HSD17B12: variants seen among roughly 807,000 people sequenced by gnomAD.
HSD17B12 encodes hydroxysteroid 17-beta dehydrogenase 12.
Under a neutral mutation model 39.3 loss-of-function variants are expected in HSD17B12, and 32 were observed. The observed-to-expected ratio is 0.81, with a 90% CI of 0.61 to 1.09. HSD17B12 has a LOEUF of 1.09. Among genes scored for constraint, HSD17B12 ranks in the 50% least tolerant of loss-of-function variants. The pLI is 0.00. For missense variants in HSD17B12, 342 were observed against 382.9 expected (o/e 0.89, Z 0.89); for synonymous variants, 150 against 146.7 (o/e 1.02, Z -0.16).
intron 1 of HSD17B12, among the ~76,000 whole-genome samples, chr11:43,719,571 C>G (rs1184807400): frequency 1.3e-5 from 2 of 151,276 alleles, no homozygotes; most frequent in African/African-American, 4.9e-5. Context: ...TCCAACTGGT[C>G]TGTCTGTTTC....
the HSD17B12 span, among the ~76,000 whole-genome samples, chr11:43,592,221 A>C: frequency 6.6e-6 from 1 of 152,038 alleles, no homozygotes; most frequent in Non-Finnish European, 1.5e-5. Context: ...ATTTATACTT[A>C]TGAAGGGATT....
At chr11:43,663,777 G>A in the HSD17B12 span, among the ~76,000 whole-genome samples, 4 of 152,312 alleles carry the variant, frequency 2.6e-5, no homozygotes, top group African/African-American at 9.6e-5. Context: ...TGCCAAGCAA[G>A]GAGTATCAGG....
chr11:43,722,129 G>C (rs756791077), intron 1 of HSD17B12, among the ~76,000 whole-genome samples: 1 of 152,174 alleles, frequency 6.6e-6, no homozygotes. Flanking sequence ...TGAATAAATG[G>C]GTGGTCCCAT....
At chr11:43,751,759 TTTAC>T (rs1950466556) in intron 2 of HSD17B12, among the ~76,000 whole-genome samples, 2 of 152,228 alleles carry the variant, frequency 1.3e-5, no homozygotes, top group African/African-American at 4.8e-5. Flanking sequence ...TTTAATTTAC[TTTAC>T]TATTATTATT....
chr11:43,802,245 CA>C lies in HSD17B12; in HGVS notation c.391+3821del, dbSNP rs369655273. On this transcript the variant is annotated intron_variant, in intron 4 of 10. Coordinates refer to ENST00000278353, the MANE Select transcript of HSD17B12 (RefSeq NM_016142.3). ...TCATGATCTGCCCGCCTCGGCCTCCCAAAGTGCTGGGATTACAGGAGTGAGC... is the reference window on the plus strand; with the variant it reads ...TCATGATCTGCCCGCCTCGGCCTCCCAAGTGCTGGGATTACAGGAGTGAGC... Among the ~76,000 whole-genome samples the C allele has an allele frequency of 5.7e-3, 874 of 152,162 alleles. 3 individuals are homozygous for C. The highest frequency in any genetic ancestry group is 9.1e-3 in the Non-Finnish European group (621 of 67,998).
chr11:43,823,865 A>G (rs1366251330), intron 6 of HSD17B12, among the ~76,000 whole-genome samples: 2 of 152,216 alleles, frequency 1.3e-5, no homozygotes, highest in African/African-American at 4.8e-5. Context: ...AACTTGAATC[A>G]ATCGCTATTT....
chr11:43,845,917 G>A (rs1239089799), intron 9 of HSD17B12, among the ~76,000 whole-genome samples: 3 of 152,148 alleles, frequency 2.0e-5, no homozygotes, highest in Non-Finnish European at 1.5e-5. Context: ...AGAGATTTTT[G>A]ATGCTAAAGA....
chr11:43,771,406 T>C (rs187269239), intron 3 of HSD17B12, among the ~76,000 whole-genome samples: 57 of 151,802 alleles, frequency 3.8e-4, no homozygotes, highest in African/African-American at 1.2e-3. Context: ...GGAGCACATA[T>C]ATACATTATA....
At chr11:43,836,082 G>A (rs977551227) in intron 7 of HSD17B12, among the ~76,000 whole-genome samples, 51 of 152,056 alleles carry the variant, frequency 3.4e-4, no homozygotes, top group South Asian at 1.0e-3. Context: ...TTTTGTTAGC[G>A]AGAAATGAAA....
At chr11:43,661,472 G>A in the HSD17B12 span, among the ~76,000 whole-genome samples, 10 of 152,246 alleles carry the variant, frequency 6.6e-5, no homozygotes, top group South Asian at 6.2e-4. Flanking sequence ...AAAAGTGTTC[G>A]TGCAATTTAA....
At chr11:43,826,766 T>A (rs1384102770) in intron 6 of HSD17B12, among the ~76,000 whole-genome samples, 1 of 152,216 alleles carries the variant, frequency 6.6e-6, no homozygotes, top group African/African-American at 2.4e-5. Context: ...GAATTTCTAA[T>A]TAAGTTGTGT....
At chr11:43,754,557 C>T (rs925849234) in intron 3 of HSD17B12, among the ~76,000 whole-genome samples, 9 of 152,146 alleles carry the variant, frequency 5.9e-5, no homozygotes, top group Non-Finnish European at 1.2e-4. Context: ...GCCTGGGTGA[C>T]AGAGTGAGAC....
chr11:43,831,086 A>G lies in HSD17B12; in HGVS notation c.536+76A>G. The G allele has an allele frequency of 7.3e-7, 1 of 1,368,944 alleles. No individual in the cohort carries two copies. The highest frequency in any genetic ancestry group is 1.3e-5 in the South Asian group (1 of 77,918). 84.8% of individuals were successfully genotyped at this position (1,368,944 alleles called of 1,614,324 possible). A position where few individuals can be genotyped will look rare whatever the true frequency, so the allele number is the denominator to read the frequency against. ...TTTAGAGGGAGAATCCTTGCTTTGA[A>G]AAAATCACTGAAGTGACTAATGAAC... On this transcript the variant is annotated intron_variant, in intron 7 of 10. Coordinates refer to ENST00000278353, the MANE Select transcript of HSD17B12 (RefSeq NM_016142.3). The surrounding 1 kb of genome is among the most constrained non-coding windows in gnomAD (Gnocchi z 4.1).
chr11:43,692,007 A>G (rs965409580), intron 1 of HSD17B12, among the ~76,000 whole-genome samples: 7 of 152,108 alleles, frequency 4.6e-5, no homozygotes, highest in Middle Eastern at 3.2e-3. Flanking sequence ...AGCTTTCTAG[A>G]TGATAGTGAC....
intron 5 of HSD17B12, 107 bp from the exon 6 acceptor site, chr11:43,816,240 C>A: frequency 2.2e-6 from 2 of 929,882 alleles, no homozygotes; most frequent in Non-Finnish European, 3.0e-6. Context: ...AAAATCTCTG[C>A]AATATCTGGG....
chr11:43,814,802 C>G (rs927601137), intron 4 of HSD17B12, among the ~76,000 whole-genome samples: 4 of 152,110 alleles, frequency 2.6e-5, no homozygotes, highest in Non-Finnish European at 4.4e-5. Context: ...GCACTCTGTT[C>G]TGTCATGAAA....
intron 4 of HSD17B12, among the ~76,000 whole-genome samples, chr11:43,799,927 C>T (rs1316845662): frequency 1.3e-5 from 2 of 152,212 alleles, no homozygotes; most frequent in East Asian, 1.9e-4. Context: ...CCCCATATAC[C>T]GACACCACTA....
upstream of HSD17B12, among the ~76,000 whole-genome samples, chr11:43,679,970 A>C (rs1364485738): frequency 6.6e-6 from 1 of 151,662 alleles, no homozygotes; most frequent in East Asian, 1.9e-4. Flanking sequence ...AGCACGCTTA[A>C]CAATGATATA....
At chr11:43,662,699 G>A in the HSD17B12 span, among the ~76,000 whole-genome samples, 5 of 152,098 alleles carry the variant, frequency 3.3e-5, no homozygotes, top group African/African-American at 1.2e-4. Flanking sequence ...TCATGGAAAG[G>A]GTCAGAATAT....
Sources: allele counts gnomAD v4.1 joint callset (sites outside exome capture counted in the v4.1 genomes callset), GRCh38; gene constraint gnomAD v4.1.1; non-coding constraint Gnocchi (gnomAD v3.1); transcripts MANE v1.5; gene names NCBI Gene and HGNC (gene_info 2026-07-23, HGNC 2026-07-21).